ACLY: variants seen among roughly 807,000 people sequenced by gnomAD.
ACLY encodes ATP citrate lyase, also known as ATP-citrate synthase.
In ACLY, 41 loss-of-function variants were observed where a neutral mutation model predicts 133.0. The observed-to-expected ratio is 0.31, with a 90% CI of 0.24 to 0.40. The LOEUF (loss-of-function observed/expected upper bound fraction) is 0.40. ACLY is among the 10% of genes least tolerant of loss of function. The pLI, the probability that ACLY is intolerant of heterozygous loss-of-function variation, is 1.00. For synonymous variants in ACLY, 495 were observed against 549.3 expected (o/e 0.90, Z 1.38); for missense variants, 1,046 against 1,453.8 (o/e 0.72, Z 4.56).
chr17:41,885,674 AG>A (rs1432139653), intron 18 of ACLY, among the ~76,000 whole-genome samples: 19 of 152,308 alleles, frequency 1.2e-4, no homozygotes, highest in African/African-American at 4.3e-4. Flanking sequence ...TAGCCCCATG[AG>A]GTGGGGGTAT....
At chr17:41,902,024 G>A (rs1297343943) in intron 10 of ACLY, among the ~76,000 whole-genome samples, 2 of 152,176 alleles carry the variant, frequency 1.3e-5, no homozygotes, top group Non-Finnish European at 2.9e-5. Context: ...ATCCCTTAAT[G>A]TCATGGTGCT....
At chr17:41,917,378 C>A (rs1449690238) in intron 1 of ACLY, among the ~76,000 whole-genome samples, 1 of 152,090 alleles carries the variant, frequency 6.6e-6, no homozygotes, top group East Asian at 1.9e-4. Context: ...AAAACACACA[C>A]ATACACACAT....
At position 41,905,505 on chromosome 17, in the gene ACLY, G is replaced by A. The variant is rs879986210; in HGVS notation, c.1003+17C>T. 1.2e-6 allele frequency: 2 copies of A among 1,614,198 alleles called. No individual in the cohort carries two copies. Among genetic ancestry groups the A allele is most frequent in the South Asian group, 2.2e-5 (2 of 91,086 alleles). ...TGGGGAAGTGGGGACAGGTATGTGT[G>A]TGTGCAAGTATCTCACCATCTGGGT... On this transcript the variant is annotated intron_variant, in intron 9 of 28. Transcript: ENST00000352035.
intron 11 of ACLY, 98 bp downstream of exon 11, chr17:41,901,598 G>A (rs782238609): frequency 8.9e-6 from 9 of 1,016,522 alleles, no homozygotes; most frequent in African/African-American, 1.6e-5. Flanking sequence ...GGAGTAGAGA[G>A]CAAAAGAGCC....
Position 41,924,306 on chromosome 17 carries a change from G to A in ACLY, c.-28+6052C>T, listed in dbSNP as rs543056475. On this transcript the variant is annotated intron_variant, in intron 1 of 3. Coordinates refer to the ACLY transcript ENST00000592970. ...ACTACAGGCACGTGCCACCACACCC[G>A]GCTGATTTTTTTTTTTATTTTTAGT... 7.5e-4 allele frequency among the ~76,000 whole-genome samples: 113 copies of A among 151,172 alleles called. 1 individual carries two copies. The highest frequency in any genetic ancestry group is 1.4e-3 in the African/African-American group (56 of 41,180).
intron 1 of ACLY, among the ~76,000 whole-genome samples, chr17:41,917,652 G>T (rs1016597969): frequency 6.6e-6 from 1 of 152,080 alleles, no homozygotes; most frequent in Non-Finnish European, 1.5e-5. Flanking sequence ...ACGTATGTAG[G>T]TATTTATTTA....
chr17:41,910,407 T>C, intron 3 of ACLY, 123 bp from the exon 4 acceptor site: 1 of 792,578 alleles, frequency 1.3e-6, no homozygotes, highest in Non-Finnish European at 2.0e-6. Flanking sequence ...CAAAGAGAGA[T>C]TTTTCCAGAA....
In ACLY at chr17:41,901,824, A is replaced by G. The variant is rs370704542; in HGVS notation, c.1066-11T>C. 6.4e-7 allele frequency: 1 copy of G among 1,551,488 alleles called. No individual in the cohort carries two copies. Among genetic ancestry groups the G allele is most frequent in the African/African-American group, 1.4e-5 (1 of 72,662 alleles). On this transcript the variant is annotated splice_polypyrimidine_tract_variant and intron_variant, in intron 10 of 28. Coordinates refer to ENST00000352035, the MANE Select transcript of ACLY (RefSeq NM_001096.3). ...TGCTCTCACGATGCCCTGGAAGCCC[A>G]AAGTGACATGTGACTAAAAACAAGG...
intron 14 of ACLY, among the ~76,000 whole-genome samples, chr17:41,894,513 G>C (rs1352360198): frequency 6.6e-6 from 1 of 150,914 alleles, no homozygotes; most frequent in East Asian, 1.9e-4. Flanking sequence ...CTTGAGCCCA[G>C]GAATTCGAAA....
At chr17:41,925,106 G>A (rs1342831443) in intron 1 of ACLY, among the ~76,000 whole-genome samples, 3 of 151,306 alleles carry the variant, frequency 2.0e-5, no homozygotes, top group African/African-American at 7.3e-5. Flanking sequence ...CGCGATCTCC[G>A]CTCACTGCAA....
chr17:41,890,396 A>T (rs1053576092), intron 16 of ACLY, among the ~76,000 whole-genome samples: 1 of 152,028 alleles, frequency 6.6e-6, no homozygotes, highest in African/African-American at 2.4e-5. Flanking sequence ...AAAAAAAAAA[A>T]AAAATTTGCC....
At chr17:41,887,078 C>T (rs984509788) in intron 17 of ACLY, among the ~76,000 whole-genome samples, 4 of 143,024 alleles carry the variant, frequency 2.8e-5, no homozygotes, top group Non-Finnish European at 6.0e-5. Context: ...GAGCCAAGAT[C>T]GTGCCACTGC....
chr17:41,871,664 C>CT, intron 25 of ACLY, 25 bp downstream of exon 25: 1 of 1,613,626 alleles, frequency 6.2e-7, no homozygotes, highest in East Asian at 2.2e-5. Flanking sequence ...CTCCATCCCA[C>CT]TTTTTTAGGA....
At position 41,895,385 on chromosome 17, in the gene ACLY, G is replaced by A. The variant is rs577366877; in HGVS notation, c.1459+1235C>T. On this transcript the variant is annotated intron_variant, in intron 14 of 28. Transcript: ENST00000352035. ...TACCAGCATCTCCAGCAGGAAGGGT[G>A]GAGGTAAAGTGGCCCTTCCTCAAGC... is the stretch of plus-strand genomic sequence containing the variant. Among the ~76,000 whole-genome samples, 3 of 152,282 alleles carry A rather than the reference G, an allele frequency of 2.0e-5. No individual in the cohort carries two copies. In the South Asian group the frequency reaches 6.2e-4, roughly 32 times the overall value.
At chr17:41,929,287 G>T (rs1214846893) in intron 1 of ACLY, among the ~76,000 whole-genome samples, 5 of 151,938 alleles carry the variant, frequency 3.3e-5, no homozygotes, top group African/African-American at 4.8e-5. Context: ...TAGAGACAGG[G>T]CTTCGCCATG....
chr17:41,922,732 T>C (rs2050197550), upstream of ACLY, among the ~76,000 whole-genome samples: 1 of 152,228 alleles, frequency 6.6e-6, no homozygotes, highest in Admixed American at 6.5e-5. Flanking sequence ...ACTCAATAAA[T>C]GTTTGCTGAA....
chr17:41,873,357 T>C (rs1192808746), intron 23 of ACLY, among the ~76,000 whole-genome samples: 2 of 152,068 alleles, frequency 1.3e-5, no homozygotes, highest in African/African-American at 4.8e-5. Flanking sequence ...CTTTTTGTAT[T>C]TTTAGTAGAG....
intron 7 of ACLY, 101 bp from the exon 8 acceptor site, chr17:41,906,747 G>A: frequency 9.3e-7 from 1 of 1,074,820 alleles, no homozygotes; most frequent in Non-Finnish European, 1.4e-6. Flanking sequence ...ACATGAAAAG[G>A]TGCCTTAATG....
In ACLY at chr17:41,909,778, T is replaced by C. The variant is rs1598037695; in HGVS notation, c.346-78A>G. The C allele has an allele frequency of 6.0e-6, 8 of 1,324,414 alleles. No individual in the cohort carries two copies. The East Asian group carries it at 1.9e-4, about 32-fold the overall frequency. The allele number at this position is 1,324,414 out of a possible 1,614,324, so 82.0% of individuals were successfully genotyped here. A position where few individuals can be genotyped will look rare whatever the true frequency, so the allele number is the denominator to read the frequency against. On this transcript the variant is annotated intron_variant, in intron 4 of 28. Transcript: ENST00000352035. Reference sequence around the variant, plus strand: ...GTGAGGGGCGCTGAACTGGGGAAGATGGTCTACCATGTACTGGGAGAGGAA... The same window carrying C: ...GTGAGGGGCGCTGAACTGGGGAAGACGGTCTACCATGTACTGGGAGAGGAA...
Sources: gnomAD v4.1 joint callset for allele counts (sites outside exome capture counted in the v4.1 genomes callset) on GRCh38, gnomAD v4.1.1 for gene constraint, MANE v1.5 for transcripts, NCBI Gene and HGNC (gene_info 2026-07-23, HGNC 2026-07-21) for gene names.